The following MXRA5 variants were observed in gnomAD, a reference collection of about 807,000 sequenced individuals.
MXRA5 encodes matrix-remodeling-associated protein 5.
A neutral mutation model predicts 112.5 loss-of-function variants in MXRA5; 41 were observed. The observed-to-expected ratio is 0.36, with a 90% CI of 0.28 to 0.47. The LOEUF (loss-of-function observed/expected upper bound fraction) is 0.47, where lower values mean the gene tolerates loss of function less well. Ranked by LOEUF, MXRA5 falls within the 20% of genes least tolerant of loss-of-function variation. The probability of loss-of-function intolerance (pLI) is 0.99; values close to 1 mark genes in which losing one functional copy is unlikely to be tolerated. For missense variants in MXRA5, 2,150 were observed against 2,251.0 expected, an observed-to-expected ratio of 0.96 and a Z score of 0.91; for synonymous variants, 862 against 900.8, an observed-to-expected ratio of 0.96 and a Z score of 0.77.
chrX:3,309,286 T>C lies in MXRA5; in HGVS notation c.*430A>G, dbSNP rs1416652392. 2 of 121,384 alleles carry C rather than the reference T, an allele frequency of 1.6e-5. No homozygotes were observed. The highest frequency in any genetic ancestry group is 3.3e-5 in the Non-Finnish European group (2 of 59,868). 10.0% of individuals were successfully genotyped at this position (121,384 alleles called of 1,213,427 possible). Reference sequence around the variant, plus strand: ...GATGACTTGTCAATCTGGAACAAAGTCTATCATGTAAAAACTGCAGCAGGT... The same window carrying C: ...GATGACTTGTCAATCTGGAACAAAGCCTATCATGTAAAAACTGCAGCAGGT... On this transcript the variant is annotated 3_prime_UTR_variant, in exon 7 of 7. Transcript: ENST00000217939.
At chrX:3,343,545 A>G (rs1285953429) in intron 2 of MXRA5, 101 bp downstream of exon 2, 3 of 788,448 alleles carry the variant, frequency 3.8e-6, no homozygotes, top group Non-Finnish European at 5.5e-6. Flanking sequence ...CACAGAGGAA[A>G]TGCACATATG....
chrX:3,311,478 G>A lies in MXRA5; in HGVS notation c.6725C>T (p.Pro2242Leu), dbSNP rs1248698613. The change falls in exon 7 of 7, where the codon CCG becomes CTG. Residue 2242 changes from proline to leucine, a missense_variant. By Grantham distance (98) the Pro-to-Leu change is moderately conservative. Coordinates refer to ENST00000217939, the MANE Select transcript of MXRA5 (RefSeq NM_015419.4). ...VVLKVDVVMK[P>L]AKIEHKEEND... ...CTCCTCCTTGTGTTCAATCTTGGCC[G>A]GTTTCATCACCACATCCACTTTGAG... 4.1e-6 allele frequency: 5 copies of A among 1,209,712 alleles called. No homozygotes were observed. Among genetic ancestry groups the A allele is most frequent in the Non-Finnish European group, 5.6e-6 (5 of 895,225 alleles).
intron 6 of MXRA5, among the ~76,000 whole-genome samples, chrX:3,314,881 C>CAGATAGATAGATAGATAGAT (rs77892728): frequency 9.7e-6 from 1 of 102,606 alleles, no homozygotes; most frequent in African/African-American, 3.6e-5. Context: ...GGTAGGTAGG[C>CAGATAGATAGATAGATAGAT]AGATAGATAG....
chrX:3,315,852 T>G (rs184158320), intron 6 of MXRA5, among the ~76,000 whole-genome samples: 353 of 110,666 alleles, frequency 3.2e-3, no homozygotes, highest in African/African-American at 0.011. Flanking sequence ...TGTATTTTGT[T>G]GAAATCAATA....
At chrX:3,331,144 T>A (rs1037772066) in intron 2 of MXRA5, among the ~76,000 whole-genome samples, 4 of 111,636 alleles carry the variant, frequency 3.6e-5, no homozygotes, top group African/African-American at 1.3e-4. Context: ...TGGCCTCATA[T>A]GACCCTCCTG....
chrX:3,313,542 G>T (rs1368947424), intron 6 of MXRA5, among the ~76,000 whole-genome samples: 5 of 112,486 alleles, frequency 4.4e-5, no homozygotes, highest in Non-Finnish European at 7.5e-5. Flanking sequence ...TTACAGGTGT[G>T]AGCCACTGCG....
In MXRA5 at chrX:3,323,050, C is replaced by A. The variant is rs776800111; in HGVS notation, c.2635G>T (p.Val879Leu). The A allele has an allele frequency of 1.7e-6, 2 of 1,211,759 alleles. No individual in the cohort carries two copies. The highest frequency in any genetic ancestry group is 1.7e-5 in the African/African-American group (1 of 57,762). The change falls in exon 5 of 7, where the codon GTA becomes TTA. Residue 879 changes from valine (V) to leucine (L), a missense_variant. Physicochemically the swap from Val to Leu is conservative, Grantham distance 32. Around this residue, in one of 6 missense-constraint regions of MXRA5, gnomAD observed 1,485 missense variants for 1,471.6 expected, o/e 1.01. Transcript: ENST00000217939. The part of the protein sequence containing the change: ...HNGVILVEPE[V>L]TSTPLEEVVD... ...ACTTCCTCCAGAGGTGTGCTTGTTA[C>A]TTCAGGTTCAACAAGAATAACTCCA...
At chrX:3,346,390 A>C in intron 1 of MXRA5, 125 bp downstream of exon 1, 2 of 318,464 alleles carry the variant, frequency 6.3e-6, no homozygotes, top group Non-Finnish European at 4.2e-6. Context: ...GTGCTGGGGA[A>C]CGGTGCAATC....
intron 2 of MXRA5, among the ~76,000 whole-genome samples, chrX:3,340,227 A>G (rs1399724077): frequency 8.9e-6 from 1 of 112,267 alleles, no homozygotes; most frequent in Non-Finnish European, 1.9e-5. Flanking sequence ...AGAAGGTTTC[A>G]TTAGCACTTG....
rs1921640018 is a variant in MXRA5 at position 3,330,544 on chromosome X, C to T, written c.318+100G>A. On this transcript the variant is annotated intron_variant, in intron 3 of 6. Transcript: ENST00000217939. ...GCTTGTCTTTCATGTCAAACAATAG[C>T]CGTTTTATTGATCATTAAGGAGAAT... is the stretch of plus-strand genomic sequence containing the variant. 5.3e-6 allele frequency: 6 copies of T among 1,125,811 alleles called. No homozygotes were observed. The Admixed American group carries it at 8.2e-5, about 15-fold the overall frequency. 92.8% of individuals were successfully genotyped at this position (1,125,811 alleles called of 1,213,427 possible).
chrX:3,317,272 G>A lies in MXRA5; in HGVS notation c.6409C>T (p.Leu2137=), dbSNP rs1921166177. Residue 2137 remains leucine, a synonymous_variant, in exon 6 of 7, where the codon CTG becomes TTG. Coordinates refer to ENST00000217939, the MANE Select transcript of MXRA5 (RefSeq NM_015419.4). ...TTGGCTGCTGCACGCTGCACGTTCA[G>A]CTGCACCGTCCTGCGCGCGGAGCCT... ...LVGSARRTVQ[L]NVQRAAANAR... is the part of the protein sequence containing the mutation. 8.3e-7 allele frequency: 1 copy of A among 1,209,283 alleles called. No individual in the cohort carries two copies. Among genetic ancestry groups the A allele is most frequent in the Non-Finnish European group, 1.1e-6 (1 of 894,331 alleles).
intron 2 of MXRA5, among the ~76,000 whole-genome samples, chrX:3,339,905 C>T (rs1276242169): frequency 8.9e-6 from 1 of 112,071 alleles, no homozygotes; most frequent in African/African-American, 3.2e-5. Flanking sequence ...ATAACCAACT[C>T]TGTGAAATGT....
Position 3,311,181 on chromosome X carries a change from A to G in MXRA5, c.7022T>C (p.Val2341Ala). 2 of 1,211,391 alleles carry G rather than the reference A, an allele frequency of 1.7e-6. No homozygotes were observed. The highest frequency in any genetic ancestry group is 2.2e-6 in the Non-Finnish European group (2 of 895,408). Residue 2341 changes from valine to alanine, a missense_variant, in exon 7 of 7, where the codon GTG (valine) becomes GCG (alanine). Coordinates refer to ENST00000217939, the MANE Select transcript of MXRA5 (RefSeq NM_015419.4). Reference sequence around the variant, plus strand: ...CCGGATGGTGGCGGGCGCTGTCACCACCTTGACTCTGACTCTCATCTCGTC... The same window carrying G: ...CCGGATGGTGGCGGGCGCTGTCACCGCCTTGACTCTGACTCTCATCTCGTC... ...GKDEMRVRVK[V>A]VTAPATIRNK...
intron 4 of MXRA5, among the ~76,000 whole-genome samples, chrX:3,327,268 G>T (rs751210435): frequency 9.0e-6 from 1 of 111,455 alleles, no homozygotes; most frequent in Admixed American, 9.6e-5. Flanking sequence ...CTCAACATGC[G>T]AATAGGATTG....
At position 3,323,684 on chromosome X, in the gene MXRA5, T is replaced by C; in HGVS notation, c.2001A>G (p.Thr667=). The change falls in exon 5 of 7, where the codon ACA becomes ACG. Residue 667 remains threonine (T), a synonymous_variant. Coordinates refer to ENST00000217939, the MANE Select transcript of MXRA5 (RefSeq NM_015419.4). ...GCAAGCCAGACCCTTTCTTGGTCACTGTGATTCCCACCGTAAAATGGTCTG... is the reference window on the plus strand; with the variant it reads ...GCAAGCCAGACCCTTTCTTGGTCACCGTGATTCCCACCGTAAAATGGTCTG... The part of the protein sequence containing the change: ...QGADHFTVGI[T]VTKKGSGLPS... 8.3e-7 allele frequency: 1 copy of C among 1,210,606 alleles called. No homozygotes were observed. The highest frequency in any genetic ancestry group is 1.1e-6 in the Non-Finnish European group (1 of 894,576).
intron 2 of MXRA5, among the ~76,000 whole-genome samples, chrX:3,333,073 C>T (rs1467038960): frequency 9.1e-6 from 1 of 109,680 alleles, no homozygotes. Flanking sequence ...GAGGGTGAGG[C>T]GAGAGGATCA....
At chrX:3,315,033 A>G (rs1220501549) in intron 6 of MXRA5, among the ~76,000 whole-genome samples, 1 of 110,240 alleles carries the variant, frequency 9.1e-6, no homozygotes, top group Non-Finnish European at 1.9e-5. Flanking sequence ...TGGATAGGCA[A>G]AATCTTACAT....
intron 6 of MXRA5, among the ~76,000 whole-genome samples, chrX:3,315,391 T>TAGATGATAGATAGATAGATA (rs1555943433): frequency 7.1e-5 from 4 of 56,737 alleles, no homozygotes; most frequent in African/African-American, 3.3e-4. Flanking sequence ...GATAGATAGA[T>TAGATGATAGATAGATAGATA]GATAGATAGA....
intron 6 of MXRA5, among the ~76,000 whole-genome samples, chrX:3,312,387 G>C (rs1013705871): frequency 1.8e-5 from 2 of 111,866 alleles, no homozygotes; most frequent in African/African-American, 6.5e-5. Context: ...TCTTCATTAT[G>C]TATGTAAGAG....
Sources: gnomAD v4.1 joint callset for allele counts (sites outside exome capture counted in the v4.1 genomes callset) on GRCh38, gnomAD v4.1.1 for gene constraint, gnomAD v4.1.1 regional missense constraint, MANE v1.5 for transcripts, NCBI Gene and HGNC (gene_info 2026-07-23, HGNC 2026-07-21) for gene names.